Variants in PACC1 observed in about 807,000 individuals in gnomAD.
The protein encoded by PACC1 is proton-activated chloride channel.
A neutral mutation model predicts 39.7 loss-of-function variants in PACC1; 34 were observed. That is an observed-to-expected ratio of 0.86 (90% CI 0.65 to 1.14). PACC1 has a LOEUF of 1.14. Ranked by LOEUF, PACC1 falls within the 50% of genes most tolerant of loss-of-function variation. The pLI, the probability that PACC1 is intolerant of heterozygous loss-of-function variation, is 0.00. For synonymous variants in PACC1, 127 were observed against 160.6 expected, an observed-to-expected ratio of 0.79 and a Z score of 1.58; for missense variants, 379 against 436.4, an observed-to-expected ratio of 0.87 and a Z score of 1.17.
In PACC1 at chr1:212,386,433, G is replaced by A. The variant is rs1437691622; in HGVS notation, c.343+458C>T. 2.0e-5 allele frequency among the ~76,000 whole-genome samples: 3 copies of A among 151,858 alleles called. No homozygotes were observed. Among genetic ancestry groups the A allele is most frequent in the East Asian group, 1.9e-4 (1 of 5,180 alleles). On this transcript the variant is annotated intron_variant, in intron 3 of 7. Transcript: ENST00000261455. This position sits in a 1 kb window ranked among gnomAD's most constrained non-coding sequence, Gnocchi z 5.0. ...TCTCCAGGCAGGGTTGAATGGCCTC[G>A]CCTCCCCTGCCATCCTCCCCACCCC...
intron 2 of PACC1, among the ~76,000 whole-genome samples, chr1:212,400,174 T>C (rs900378448): frequency 2.6e-5 from 4 of 152,066 alleles, no homozygotes; most frequent in Non-Finnish European, 5.9e-5. Flanking sequence ...AACTCTATAC[T>C]ACATCCAGGC....
intron 7 of PACC1, among the ~76,000 whole-genome samples, chr1:212,369,068 T>C (rs3099112): frequency 0.3 from 45,488 of 150,552 alleles, 7,361 homozygotes; most frequent in Non-Finnish European, 0.37. Flanking sequence ...TAAATAGATA[T>C]AATAAAAAGT....
rs1553281060 is a variant in PACC1, at chr1:212,381,770, G to GACACAGTGACACACACACACAC, written c.496-1734_496-1733insGTGTGTGTGTGTGTCACTGTGT. On this transcript the variant is annotated intron_variant, in intron 4 of 7. Coordinates refer to ENST00000261455, the MANE Select transcript of PACC1 (RefSeq NM_018252.3). ...AACAATGCCCAGGGGACAGCACAGT[G>GACACAGTGACACACACACACAC]ACACACACACACACACACACACACA... Among the ~76,000 whole-genome samples, 830 of 118,134 alleles carry GACACAGTGACACACACACACAC rather than the reference G, an allele frequency of 7.0e-3. 35 individuals carry two copies. Among genetic ancestry groups the GACACAGTGACACACACACACAC allele is most frequent in the African/African-American group, 0.029 (793 of 27,762 alleles). The allele number at this position is 118,134 out of a possible 152,430, so 77.5% of individuals were successfully genotyped here.
intron 4 of PACC1, among the ~76,000 whole-genome samples, chr1:212,382,411 G>C (rs893997332): frequency 3.3e-5 from 5 of 152,166 alleles, no homozygotes; most frequent in Non-Finnish European, 7.3e-5. Context: ...TGGGAAAATG[G>C]CGGGCAGTAA....
intron 2 of PACC1, among the ~76,000 whole-genome samples, chr1:212,403,922 C>T (rs1466021019): frequency 6.6e-6 from 1 of 152,040 alleles, no homozygotes; most frequent in African/African-American, 2.4e-5. Context: ...ATCATTCTCC[C>T]GTTTGCCTGG....
intron 2 of PACC1, among the ~76,000 whole-genome samples, chr1:212,392,112 G>T (rs562306746): frequency 6.6e-6 from 1 of 152,232 alleles, no homozygotes; most frequent in South Asian, 2.1e-4. Flanking sequence ...GATACTCCTC[G>T]AGAAGAGCAA....
chr1:212,373,413 A>C (rs1660531338), intron 7 of PACC1, among the ~76,000 whole-genome samples: 4 of 152,180 alleles, frequency 2.6e-5, no homozygotes. Context: ...ACACTGGGAT[A>C]ATGCTTTAGG....
intron 2 of PACC1, among the ~76,000 whole-genome samples, chr1:212,409,935 A>T (rs1662060688): frequency 1.3e-5 from 2 of 152,200 alleles, no homozygotes; most frequent in South Asian, 4.1e-4. Flanking sequence ...TGCATCACAG[A>T]AGCTAAGGGA....
At chr1:212,406,105 C>CAAA (rs58332482) in intron 2 of PACC1, among the ~76,000 whole-genome samples, 418 of 55,006 alleles carry the variant, frequency 7.6e-3, no homozygotes, top group Middle Eastern at 0.024. Context: ...TCCCACCCCA[C>CAAA]AAAAAAAAAA....
intron 1 of PACC1, 134 bp from the exon 2 acceptor site, chr1:212,410,655 C>T: frequency 1.2e-6 from 1 of 801,452 alleles, no homozygotes; most frequent in South Asian, 1.4e-5. Flanking sequence ...TGTGTTACAG[C>T]AATTTTACAG....
At chr1:212,380,223 T>C (rs574097909) in intron 4 of PACC1, among the ~76,000 whole-genome samples, 186 bp from the exon 5 acceptor site, 1 of 152,356 alleles carries the variant, frequency 6.6e-6, no homozygotes. Context: ...CCCCATATGA[T>C]GCCCAACCAG....
chr1:212,407,244 G>A (rs78564619), intron 2 of PACC1, among the ~76,000 whole-genome samples: 2,032 of 152,276 alleles, frequency 0.013, 39 homozygotes, highest in African/African-American at 0.046. Context: ...AAGACTCGAC[G>A]AGCCACTGCT....
chr1:212,366,829 C>G (rs796215312), intron 7 of PACC1, among the ~76,000 whole-genome samples: 12 of 152,308 alleles, frequency 7.9e-5, no homozygotes, highest in African/African-American at 2.9e-4. Flanking sequence ...CATACAAAGC[C>G]TTGCCAGTCC....
At position 212,377,548 on chromosome 1, in the gene PACC1, C is replaced by A. The variant is rs748208760; in HGVS notation, c.783+14G>T. On this transcript the variant is annotated intron_variant, in intron 6 of 7. Coordinates refer to ENST00000261455, the MANE Select transcript of PACC1 (RefSeq NM_018252.3). ...AAGTCACCAGCAGTTTCAAGCAAAC[C>A]CAGAGCCACCTACCTCCTGCCGGAA... The A allele has an allele frequency of 5.6e-6, 9 of 1,613,626 alleles. No individual in the cohort carries two copies. The highest frequency in any genetic ancestry group is 5.0e-5 in the Admixed American group (3 of 59,978).
At chr1:212,414,185 C>A in intron 1 of PACC1, 1 of 1,254,156 alleles carries the variant, frequency 8.0e-7, no homozygotes, top group Non-Finnish European at 1.1e-6. Context: ...CTAGCAGAGT[C>A]CATGAAGGCA....
intron 6 of PACC1, chr1:212,376,911 T>C (rs1375092966): frequency 2.6e-5 from 4 of 152,238 alleles, no homozygotes; most frequent in African/African-American, 4.8e-5. Context: ...AAAGACTAGC[T>C]TTTTTTACTA....
chr1:212,405,084 G>A (rs1040261857), intron 2 of PACC1, among the ~76,000 whole-genome samples: 1 of 152,104 alleles, frequency 6.6e-6, no homozygotes, highest in African/African-American at 2.4e-5. Flanking sequence ...GAGCCACCAC[G>A]CCAGGCCCCT....
At chr1:212,374,049 GA>G (rs199738815) in intron 7 of PACC1, among the ~76,000 whole-genome samples, 11,412 of 89,922 alleles carry the variant, frequency 0.13, 1,210 homozygotes, top group African/African-American at 0.32. Context: ...AAAAAGAAAA[GA>G]AAAAAAAAAA....
At chr1:212,380,183 T>C in intron 4 of PACC1, 146 bp from the exon 5 acceptor site, 2 of 790,626 alleles carry the variant, frequency 2.5e-6, no homozygotes, top group African/African-American at 1.7e-5. Flanking sequence ...AGGACTGGGC[T>C]GGGACTCATG....
Sources: allele counts gnomAD v4.1 joint callset (sites outside exome capture counted in the v4.1 genomes callset), GRCh38; gene constraint gnomAD v4.1.1; non-coding constraint Gnocchi (gnomAD v3.1); transcripts MANE v1.5; gene names NCBI Gene and HGNC (gene_info 2026-07-23, HGNC 2026-07-21).